The following PEX10 variants were observed in gnomAD, a reference collection of about 807,000 sequenced individuals.
PEX10 encodes the protein peroxisomal biogenesis factor 10.
A neutral mutation model predicts 38.0 loss-of-function variants in PEX10; 32 were observed. The ratio of observed to expected loss-of-function variants is 0.84; its 90% CI spans 0.63 to 1.13. PEX10 has a LOEUF of 1.13. Ranked by LOEUF, PEX10 falls within the 50% of genes most tolerant of loss-of-function variation. The probability of loss-of-function intolerance (pLI) is 0.00; values close to 1 mark genes in which losing one functional copy is unlikely to be tolerated. For synonymous variants in PEX10, 206 were observed against 207.3 expected (o/e 0.99, Z 0.05); for missense variants, 483 against 457.7 (o/e 1.06, Z -0.51).
In PEX10 at chr1:2,405,307, T is replaced by G. The variant is rs1239095038; in HGVS notation, c.*459A>C. The G allele has an allele frequency of 6.1e-6, 2 of 325,220 alleles. No homozygotes were observed. Among genetic ancestry groups the G allele is most frequent in the Non-Finnish European group, 1.2e-5 (2 of 167,732 alleles). 20.1% of individuals were successfully genotyped at this position (325,220 alleles called of 1,614,324 possible). The stretch of plus-strand genomic sequence containing the variant: ...CGTGGGGCTGCTGTTCTCACTGCAC[T>G]GGCTGAAGCAACCCGCCAGCCTCCG... On this transcript the variant is annotated 3_prime_UTR_variant, in exon 6 of 6. Coordinates refer to ENST00000447513, the MANE Select transcript of PEX10 (RefSeq NM_002617.4).
chr1:2,406,810 A>G lies in PEX10; in HGVS notation c.686T>C (p.Val229Ala). ...LLGVISLLHLVLSMGLQLYGF... is the reference protein window; with the variant it reads ...LLGVISLLHLALSMGLQLYGF... Reference sequence around the variant, plus strand: ...GTACAGCTGCAGCCCCATGGACAGCACCAGGTGCAGCAGTGAGATGACCCC... The same window carrying G: ...GTACAGCTGCAGCCCCATGGACAGCGCCAGGTGCAGCAGTGAGATGACCCC... Residue 229 changes from valine (V) to alanine (A), a missense_variant, in exon 4 of 6, where the codon GTG (valine) becomes GCG (alanine). Transcript: ENST00000447513. The G allele has an allele frequency of 6.2e-7, 1 of 1,611,032 alleles. No homozygotes were observed. The highest frequency in any genetic ancestry group is 8.5e-7 in the Non-Finnish European group (1 of 1,179,092).
Position 2,406,635 on chromosome 1 carries a change from C to T in PEX10, c.777-16G>A, listed in dbSNP as rs376036793. 39 of 1,613,006 alleles carry T rather than the reference C, an allele frequency of 2.4e-5. No homozygotes were observed. In the South Asian group the frequency reaches 4.0e-4, roughly 16 times the overall value. ...CAAGGAGGCCCTGGGGAAGGTGGGGCAGAGCGTCAAGGTGGGTGCACCTTA... is the reference window on the plus strand; with the variant it reads ...CAAGGAGGCCCTGGGGAAGGTGGGGTAGAGCGTCAAGGTGGGTGCACCTTA... On this transcript the variant is annotated splice_polypyrimidine_tract_variant and intron_variant, in intron 4 of 5. Transcript: ENST00000447513.
At chr1:2,412,955 G>A (rs961899413), upstream of PEX10, among the ~76,000 whole-genome samples, 1 of 152,232 alleles carries the variant, frequency 6.6e-6, no homozygotes, top group African/African-American at 2.4e-5. Flanking sequence ...CCCATTTACG[G>A]CTGGGGAGAC....
Position 2,409,408 on chromosome 1 carries a change from T to C in PEX10, c.194-550A>G, listed in dbSNP as rs1011444751. On this transcript the variant is annotated intron_variant, in intron 2 of 5. Coordinates refer to ENST00000447513, the MANE Select transcript of PEX10 (RefSeq NM_002617.4). The surrounding 1 kb of genome is among the most constrained non-coding windows in gnomAD (Gnocchi z 6.2). ...AAAGCCTGCTCCCCGTTTCCATCTC[T>C]GTGGATGGCAACGCCAGGCCTCCGG... 6.6e-6 allele frequency among the ~76,000 whole-genome samples: 1 copy of C among 152,036 alleles called. No homozygotes were observed. Among genetic ancestry groups the C allele is most frequent in the Middle Eastern group, 3.4e-3 (1 of 294 alleles).
rs868844283 is a variant in PEX10 at position 2,405,346 on chromosome 1, C to T, written c.*420G>A. The T allele has an allele frequency of 2.0e-4, 70 of 342,938 alleles. No individual in the cohort carries two copies. In the Middle Eastern group the frequency reaches 6.2e-3, roughly 30 times the overall value. 21.2% of individuals were successfully genotyped at this position (342,938 alleles called of 1,614,324 possible). On this transcript the variant is annotated 3_prime_UTR_variant, in exon 6 of 6. Transcript: ENST00000447513. Reference sequence around the variant, plus strand: ...CGCCAGCCTCCGTGCCCCACCCCACCCAGCACGCACTCATTCAGTCCATTG... The same window carrying T: ...CGCCAGCCTCCGTGCCCCACCCCACTCAGCACGCACTCATTCAGTCCATTG...
Position 2,410,599 on chromosome 1 carries a change from TTC to T in PEX10, c.113-150_113-149del. On this transcript the variant is annotated intron_variant, in intron 1 of 5. Transcript: ENST00000447513. This position sits in a 1 kb window ranked among gnomAD's most constrained non-coding sequence, Gnocchi z 5.1. ...CTCACTCCCTGGCCTCCCTCTCTGC[TTC>T]TGTCTCCGGAGGCACCACCTTGACT... The T allele has an allele frequency of 2.8e-6, 2 of 717,836 alleles. No homozygotes were observed. The highest frequency in any genetic ancestry group is 4.9e-6 in the Non-Finnish European group (2 of 406,270). The allele number at this position is 717,836 out of a possible 1,614,324, so 44.5% of individuals were successfully genotyped here. A position where few individuals can be genotyped will look rare whatever the true frequency, so the allele number is the denominator to read the frequency against.
In PEX10 at chr1:2,404,687, CTT is replaced by C. The variant is rs1642939241; in HGVS notation, c.*1077_*1078del. 1 of 152,254 alleles carries C rather than the reference CTT, an allele frequency of 6.6e-6. No individual in the cohort carries two copies. Among genetic ancestry groups the C allele is most frequent in the African/African-American group, 2.4e-5 (1 of 41,464 alleles). 9.4% of individuals were successfully genotyped at this position (152,254 alleles called of 1,614,324 possible). On this transcript the variant is annotated 3_prime_UTR_variant, in exon 6 of 6. Transcript: ENST00000447513. ...ACAGCAAGACATGGTTTGCGCGGGT[CTT>C]TGCCGGAAGCCGGTCCTGCTGGCCA...
At position 2,412,498 on chromosome 1, in the gene PEX10, G is replaced by T. The variant is rs1557914640; in HGVS notation, c.5C>A (p.Ala2Asp). M[A>D]PAAASPPEVI... Reference sequence around the variant, plus strand: ...CTCCGGGGGGCTGGCGGCGGCCGGGGCCATGGCCGCGGGTTCGGGTGGTCC... The same window carrying T: ...CTCCGGGGGGCTGGCGGCGGCCGGGTCCATGGCCGCGGGTTCGGGTGGTCC... Residue 2 changes from alanine to aspartate, a missense_variant, in exon 1 of 6, where the codon GCC becomes GAC. Coordinates refer to ENST00000447513, the MANE Select transcript of PEX10 (RefSeq NM_002617.4). The T allele has an allele frequency of 5.1e-6, 7 of 1,364,340 alleles. No individual in the cohort carries two copies. In the South Asian group the frequency reaches 1.2e-4, roughly 23 times the overall value. The allele number at this position is 1,364,340 out of a possible 1,614,324, so 84.5% of individuals were successfully genotyped here. A position where few individuals can be genotyped will look rare whatever the true frequency, so the allele number is the denominator to read the frequency against.
In PEX10 at chr1:2,405,004, C is replaced by T. The variant is rs1642950058; in HGVS notation, c.*762G>A. On this transcript the variant is annotated 3_prime_UTR_variant, in exon 6 of 6. Coordinates refer to ENST00000447513, the MANE Select transcript of PEX10 (RefSeq NM_002617.4). ...GCCCAGCAGGCCCCCCAGGAGAGGG[C>T]TCGGGCGCCCCTGGCAGCCCCCATA... 6.5e-6 allele frequency: 1 copy of T among 154,848 alleles called. No individual in the cohort carries two copies. The highest frequency in any genetic ancestry group is 1.4e-5 in the Non-Finnish European group (1 of 69,542). The allele number at this position is 154,848 out of a possible 1,614,324, so 9.6% of individuals were successfully genotyped here.
intron 3 of PEX10, among the ~76,000 whole-genome samples, chr1:2,407,970 G>A (rs1364211183): frequency 6.6e-6 from 1 of 151,930 alleles, no homozygotes. Context: ...GCTGTGGAGG[G>A]GAGAAGGTGG....
In PEX10 at chr1:2,404,371, A is replaced by T. The variant is rs1642926793; in HGVS notation, c.*1395T>A. 1.3e-5 allele frequency: 2 copies of T among 152,282 alleles called. No individual in the cohort carries two copies. The highest frequency in any genetic ancestry group is 1.3e-4 in the Admixed American group (2 of 15,284). 9.4% of individuals were successfully genotyped at this position (152,282 alleles called of 1,614,324 possible). ...GTGTTGAGACACTTGGGATTCTCAG[A>T]CTGTGGACAGGAGTGTTTGTCATTT... is the stretch of plus-strand genomic sequence containing the variant. On this transcript the variant is annotated 3_prime_UTR_variant, in exon 6 of 6. Coordinates refer to ENST00000447513, the MANE Select transcript of PEX10 (RefSeq NM_002617.4).
At chr1:2,406,344 G>A (rs1643001459) in intron 5 of PEX10, 140 bp downstream of exon 5, 3 of 1,103,004 alleles carry the variant, frequency 2.7e-6, no homozygotes, top group Non-Finnish European at 1.4e-6. Context: ...CTACCTGGGA[G>A]CCTTTAAAAA....
chr1:2,412,531 C>T lies in PEX10; in HGVS notation c.-29G>A. On this transcript the variant is annotated 5_prime_UTR_variant, in exon 1 of 6. Coordinates refer to ENST00000447513, the MANE Select transcript of PEX10 (RefSeq NM_002617.4). The stretch of plus-strand genomic sequence containing the variant: ...CGCGGGTTCGGGTGGTCCCGAGCAG[C>T]CACGCCGGCCACGCCCACGCCCAGA... 3.1e-6 allele frequency: 4 copies of T among 1,303,050 alleles called. No individual in the cohort carries two copies. Among genetic ancestry groups the T allele is most frequent in the South Asian group, 2.1e-5 (1 of 48,562 alleles). 80.7% of individuals were successfully genotyped at this position (1,303,050 alleles called of 1,614,324 possible).
chr1:2,412,422 G>C lies in PEX10; in HGVS notation c.81C>G (p.Ser27Arg), dbSNP rs1257672002. The change falls in exon 1 of 6, where the codon AGC becomes AGG. Residue 27 changes from serine (S) to arginine (R), a missense_variant. Coordinates refer to ENST00000447513, the MANE Select transcript of PEX10 (RefSeq NM_002617.4). The part of the protein sequence containing the change: ...KDEYYRGGLR[S>R]AAGGALHSLA... ...GGCTGTGCAGGGCGCCGCCCGCCGC[G>C]CTCCGCAGCCCACCGCGGTAGTACT... 2.1e-6 allele frequency: 3 copies of C among 1,415,482 alleles called. No homozygotes were observed. Among genetic ancestry groups the C allele is most frequent in the Non-Finnish European group, 2.8e-6 (3 of 1,089,300 alleles). 87.7% of individuals were successfully genotyped at this position (1,415,482 alleles called of 1,614,324 possible).
chr1:2,406,514 C>T lies in PEX10; in HGVS notation c.882G>A (p.Trp294Ter). Residue 294 changes from tryptophan to a stop codon, truncating the protein, a stop_gained, in exon 5 of 6, where the codon TGG (tryptophan) becomes TGA (stop). Coordinates refer to ENST00000447513, the MANE Select transcript of PEX10 (RefSeq NM_002617.4). LOFTEE classifies it high-confidence loss of function. ...TATPCGHLFC[W>*]ECITAWCSSK... ...TGCTGCACCACGCGGTGATGCACTCCCAGCAGAACAGGTGGCCGCAGGGCG... is the reference window on the plus strand; with the variant it reads ...TGCTGCACCACGCGGTGATGCACTCTCAGCAGAACAGGTGGCCGCAGGGCG... 6.2e-7 allele frequency: 1 copy of T among 1,613,072 alleles called. No homozygotes were observed. The highest frequency in any genetic ancestry group is 1.7e-5 in the Admixed American group (1 of 60,026).
At chr1:2,408,938 C>G (rs1643100894) in intron 2 of PEX10, 80 bp from the exon 3 acceptor site, 3 of 1,382,618 alleles carry the variant, frequency 2.2e-6, no homozygotes, top group Non-Finnish European at 3.0e-6. Flanking sequence ...CCAGCCGACC[C>G]TCTGCTGGCT....
rs1188334561 is a variant in PEX10, at chr1:2,410,421, T to A, written c.143A>T (p.Glu48Val). The change falls in exon 2 of 6, where the codon GAG becomes GTG. Residue 48 changes from glutamate to valine, a missense_variant. Physicochemically the swap from Glu to Val is moderately radical, Grantham distance 121. Transcript: ENST00000447513. This position sits in a 1 kb window ranked among gnomAD's most constrained non-coding sequence, Gnocchi z 5.1. ...GARKWLEWRK[E>V]VELLSDVAYF... Reference sequence around the variant, plus strand: ...GGCCACATCTGAGAGCAGCTCAACCTCCTTCCTCCACTCCAGCCACTTCCT... The same window carrying A: ...GGCCACATCTGAGAGCAGCTCAACCACCTTCCTCCACTCCAGCCACTTCCT... 1 of 1,614,038 alleles carries A rather than the reference T, an allele frequency of 6.2e-7. No homozygotes were observed. Among genetic ancestry groups the A allele is most frequent in the South Asian group, 1.1e-5 (1 of 91,076 alleles).
Position 2,408,660 on chromosome 1 carries a change from A to C in PEX10, c.392T>G (p.Leu131Arg). The C allele has an allele frequency of 6.2e-7, 1 of 1,611,496 alleles. No homozygotes were observed. Among genetic ancestry groups the C allele is most frequent in the Non-Finnish European group, 8.5e-7 (1 of 1,179,130 alleles). ...TGAGCAGCCACGCCCACCTGGCCCC[A>C]GGCTCCCCTGCAAGGGTCGCCCACT... is the stretch of plus-strand genomic sequence containing the variant. ...PDSGRPLQGSLGPGGRGCSGA... is the reference protein window; with the variant it reads ...PDSGRPLQGSRGPGGRGCSGA... The change falls in exon 3 of 6, where the codon CTG (leucine) becomes CGG (arginine). Residue 131 changes from leucine (L) to arginine (R), a missense_variant. Physicochemically the swap from Leu to Arg is moderately radical, Grantham distance 102 (BLOSUM62 -2). Coordinates refer to ENST00000447513, the MANE Select transcript of PEX10 (RefSeq NM_002617.4).
upstream of PEX10, chr1:2,412,610 G>T: frequency 1.1e-6 from 1 of 885,042 alleles, no homozygotes; most frequent in Non-Finnish European, 1.5e-6. Flanking sequence ...GCAGACCTCT[G>T]CGTCAAGGTG....
Sources: gnomAD v4.1 joint callset for allele counts (sites outside exome capture counted in the v4.1 genomes callset) on GRCh38, gnomAD v4.1.1 for gene constraint, Gnocchi (gnomAD v3.1) non-coding constraint, MANE v1.5 for transcripts, NCBI Gene and HGNC (gene_info 2026-07-23, HGNC 2026-07-21) for gene names.